Variants in CPEB1 observed in about 807,000 individuals in gnomAD.
CPEB1 encodes cytoplasmic polyadenylation element binding protein 1.
Under a neutral mutation model 65.8 loss-of-function variants are expected in CPEB1, and 7 were observed. The observed-to-expected ratio is 0.11, with a 90% CI of 0.06 to 0.20. The LOEUF is 0.20. CPEB1 is among the 10% of genes least tolerant of loss of function. The probability of loss-of-function intolerance (pLI) is 1.00; values close to 1 mark genes in which losing one functional copy is unlikely to be tolerated. For synonymous variants in CPEB1, 262 were observed against 260.0 expected (o/e 1.01, Z -0.08); for missense variants, 551 against 712.2 (o/e 0.77, Z 2.58).
chr15:82,556,074 C>A lies in CPEB1; in HGVS notation c.736G>T (p.Gly246Cys). ...PPLPFLSLSG[G>C]GPRDPLKMGV... ...ATCTTTAAAGGGTCTCTGGGACCACCCCCTGACAGAGACAGGAAGGGCAGA... is the reference window on the plus strand; with the variant it reads ...ATCTTTAAAGGGTCTCTGGGACCACACCCTGACAGAGACAGGAAGGGCAGA... Residue 246 changes from glycine (G) to cysteine (C), a missense_variant, in exon 6 of 13, where the codon GGT becomes TGT. Around this residue, in one of 6 missense-constraint regions of CPEB1, gnomAD observed 128 missense variants for 129.1 expected, o/e 0.99. Transcript: ENST00000684509. 1 of 1,610,244 alleles carries A rather than the reference C, an allele frequency of 6.2e-7. No individual in the cohort carries two copies.
intron 1 of CPEB1, among the ~76,000 whole-genome samples, chr15:82,638,291 C>T (rs541761120): frequency 4.1e-4 from 62 of 152,240 alleles, no homozygotes; most frequent in Admixed American, 1.0e-3. Context: ...ACACATGGGT[C>T]AATCTTGCAT....
chr15:82,615,159 T>C (rs1423189876), intron 3 of CPEB1, among the ~76,000 whole-genome samples: 1 of 152,200 alleles, frequency 6.6e-6, no homozygotes, highest in Non-Finnish European at 1.5e-5. Context: ...TCAGAGCCTG[T>C]ACCCTATCTT....
chr15:82,589,145 T>C (rs1256265457), intron 3 of CPEB1, among the ~76,000 whole-genome samples: 1 of 152,228 alleles, frequency 6.6e-6, no homozygotes, highest in East Asian at 1.9e-4. Context: ...TAGCCTCCCC[T>C]ATGTTATCTG....
chr15:82,618,083 T>C (rs908550720), intron 3 of CPEB1, among the ~76,000 whole-genome samples: 3 of 151,908 alleles, frequency 2.0e-5, no homozygotes, highest in African/African-American at 7.3e-5. Context: ...TATTCTAAAA[T>C]GTAAGCTTAT....
intron 3 of CPEB1, among the ~76,000 whole-genome samples, chr15:82,585,970 A>G (rs2041765710): frequency 6.6e-6 from 1 of 152,188 alleles, no homozygotes; most frequent in African/African-American, 2.4e-5. Context: ...AAGTGAAGAA[A>G]AAAAAAAAAG....
At chr15:82,561,178 T>C (rs1327747914) in intron 4 of CPEB1, among the ~76,000 whole-genome samples, 4 of 152,148 alleles carry the variant, frequency 2.6e-5, no homozygotes, top group African/African-American at 9.7e-5. Context: ...GGTGGCTGAC[T>C]TAGAATGTGA....
chr15:82,623,362 C>T (rs2045483191), intron 3 of CPEB1, among the ~76,000 whole-genome samples: 1 of 152,092 alleles, frequency 6.6e-6, no homozygotes, highest in Non-Finnish European at 1.5e-5. Flanking sequence ...TTTAGAAGAA[C>T]TAGTGGGGAA....
At chr15:82,628,895 T>C (rs1398521985) in intron 1 of CPEB1, 1 of 163,008 alleles carries the variant, frequency 6.1e-6, no homozygotes, top group Non-Finnish European at 1.4e-5. Context: ...ATAAAATACA[T>C]GTAACATACA....
rs528725798 is a variant in CPEB1 at position 82,601,049 on chromosome 15, T to G, written c.271+26144A>C. On this transcript the variant is annotated intron_variant, in intron 3 of 12. Transcript: ENST00000684509. ...CCTCCCGAGTAGCTGGGATTACAGG[T>G]GCGTGCCACCACACCGAGCTAATTT... Among the ~76,000 whole-genome samples the G allele has an allele frequency of 6.6e-5, 10 of 150,784 alleles. No homozygotes were observed. The South Asian group carries it at 2.1e-3, about 32-fold the overall frequency.
chr15:82,629,259 G>C, intron 1 of CPEB1: 1 of 985,070 alleles, frequency 1.0e-6, no homozygotes, highest in Non-Finnish European at 1.2e-6. Context: ...ATTTTGCATG[G>C]CATACAGTAG....
At chr15:82,600,897 C>CTTTTTTTT (rs751843256) in intron 3 of CPEB1, among the ~76,000 whole-genome samples, 1 of 64,172 alleles carries the variant, frequency 1.6e-5, no homozygotes, top group African/African-American at 6.1e-5. Context: ...CAGAACTTGT[C>CTTTTTTTT]TTTTTTTTTT....
At chr15:82,597,753 ATTTCT>A (rs1030344291) in intron 3 of CPEB1, among the ~76,000 whole-genome samples, 10 of 152,104 alleles carry the variant, frequency 6.6e-5, no homozygotes, top group Non-Finnish European at 1.3e-4. Context: ...ACATTTTTTA[ATTTCT>A]TTTAATTCCT....
At chr15:82,551,975 A>C (rs1019889258) in intron 9 of CPEB1, among the ~76,000 whole-genome samples, 3 of 152,292 alleles carry the variant, frequency 2.0e-5, no homozygotes, top group South Asian at 2.1e-4. Flanking sequence ...TATGGGGAAA[A>C]CCCACAAAAC....
At chr15:82,555,054 A>C (rs1444684256) in intron 6 of CPEB1, among the ~76,000 whole-genome samples, 1 of 152,172 alleles carries the variant, frequency 6.6e-6, no homozygotes, top group Non-Finnish European at 1.5e-5. Flanking sequence ...AATGGAATGC[A>C]GAAACTAACA....
At chr15:82,544,758 G>A (rs1474416098) in intron 12 of CPEB1, 56 bp from the exon 13 acceptor site, 5 of 1,328,470 alleles carry the variant, frequency 3.8e-6, no homozygotes, top group African/African-American at 1.4e-5. Context: ...CCAGACACAG[G>A]AGCTGTTGCA....
intron 4 of CPEB1, among the ~76,000 whole-genome samples, chr15:82,567,401 G>A (rs2039313833): frequency 6.6e-6 from 1 of 151,974 alleles, no homozygotes; most frequent in South Asian, 2.1e-4. Flanking sequence ...CATTTTGGGA[G>A]TCCGAGGCGG....
At chr15:82,567,635 CAAAAA>C (rs562699626) in intron 4 of CPEB1, among the ~76,000 whole-genome samples, 3 of 140,902 alleles carry the variant, frequency 2.1e-5, no homozygotes, top group Admixed American at 7.2e-5. Context: ...GACTCCATCT[CAAAAA>C]AAAAAAGAAA....
intron 3 of CPEB1, among the ~76,000 whole-genome samples, chr15:82,609,119 G>A (rs1213164803): frequency 1.3e-5 from 2 of 152,174 alleles, no homozygotes; most frequent in African/African-American, 2.4e-5. Flanking sequence ...ACAGGGCAAT[G>A]AGAAAATACT....
At chr15:82,569,549 C>T (rs1045049995) in intron 4 of CPEB1, among the ~76,000 whole-genome samples, 1 of 152,208 alleles carries the variant, frequency 6.6e-6, no homozygotes, top group Non-Finnish European at 1.5e-5. Flanking sequence ...CAGAGACAAA[C>T]AGCTACAAGC....
Sources: allele counts gnomAD v4.1 joint callset (sites outside exome capture counted in the v4.1 genomes callset), GRCh38; gene constraint gnomAD v4.1.1; regional missense constraint gnomAD v4.1.1; transcripts MANE v1.5; gene names NCBI Gene and HGNC (gene_info 2026-07-23, HGNC 2026-07-21).